Variants in CKAP5 observed in about 807,000 individuals in gnomAD.
The protein encoded by CKAP5 is cytoskeleton associated protein 5, also known as cytoskeleton-associated protein 5.
Under a neutral mutation model 232.8 loss-of-function variants are expected in CKAP5, and 27 were observed. The ratio of observed to expected loss-of-function variants is 0.12; its 90% CI spans 0.09 to 0.16. The LOEUF is 0.16. Among genes scored for constraint, CKAP5 ranks in the 10% least tolerant of loss-of-function variants. The probability of loss-of-function intolerance (pLI) is 1.00; values close to 1 mark genes in which losing one functional copy is unlikely to be tolerated. For synonymous variants in CKAP5, 785 were observed against 841.1 expected (o/e 0.93, Z 1.16); for missense variants, 1,838 against 2,424.7 (o/e 0.76, Z 5.08).
intron 1 of CKAP5, among the ~76,000 whole-genome samples, chr11:46,837,028 C>A (rs533819729): frequency 2.6e-5 from 4 of 152,210 alleles, no homozygotes; most frequent in Non-Finnish European, 5.9e-5. Context: ...AAGGTTCTGA[C>A]CTAAGTAGCT....
chr11:46,777,478 A>T lies in CKAP5; in HGVS notation c.2823T>A (p.Asn941Lys). Residue 941 changes from asparagine to lysine, a missense_variant, in exon 23 of 44, where the codon AAT becomes AAA. Physicochemically the swap from Asn to Lys is moderately conservative, Grantham distance 94. Around this residue, in one of 6 missense-constraint regions of CKAP5, gnomAD observed 767 missense variants for 954.6 expected, o/e 0.80. Transcript: ENST00000529230. ...MGPNIKQHVKNLGIPIITVLG... is the reference protein window; with the variant it reads ...MGPNIKQHVKKLGIPIITVLG... ...GGACTGTGATGATAGGGATGCCTAAATTTTTTACATGTTGCTTAATATTTG... is the reference window on the plus strand; with the variant it reads ...GGACTGTGATGATAGGGATGCCTAATTTTTTTACATGTTGCTTAATATTTG... 1 of 1,613,862 alleles carries T rather than the reference A, an allele frequency of 6.2e-7. No individual in the cohort carries two copies. Among genetic ancestry groups the T allele is most frequent in the Non-Finnish European group, 8.5e-7 (1 of 1,179,776 alleles).
At chr11:46,845,903 A>C (rs1940178051) in intron 1 of CKAP5, among the ~76,000 whole-genome samples, 1 of 151,956 alleles carries the variant, frequency 6.6e-6, no homozygotes, top group South Asian at 2.1e-4. Flanking sequence ...AGTCTTGGTA[A>C]ATCGCTGCCG....
Position 46,743,466 on chromosome 11 carries a change from A to T in CKAP5, c.*557T>A, listed in dbSNP as rs890965081. ...TAATTAACCTTTCTCTAACTGGCTG[A>T]ATACCCAGCTGGTACCAAAAGTTAA... is the stretch of plus-strand genomic sequence containing the variant. On this transcript the variant is annotated 3_prime_UTR_variant, in exon 44 of 44. Transcript: ENST00000529230. 1 of 155,322 alleles carries T rather than the reference A, an allele frequency of 6.4e-6. No individual in the cohort carries two copies. Among genetic ancestry groups the T allele is most frequent in the African/African-American group, 2.4e-5 (1 of 41,464 alleles). The allele number at this position is 155,322 out of a possible 1,614,324, so 9.6% of individuals were successfully genotyped here.
At chr11:46,780,512 C>G (rs1753889442) in intron 18 of CKAP5, 27 bp from the exon 19 acceptor site, 1 of 1,593,304 alleles carries the variant, frequency 6.3e-7, no homozygotes, top group Admixed American at 1.7e-5. Context: ...GAATTAAAAG[C>G]AAACAAATGA....
At chr11:46,759,236 C>G in intron 34 of CKAP5, 33 bp downstream of exon 34, 1 of 1,594,144 alleles carries the variant, frequency 6.3e-7, no homozygotes, top group South Asian at 1.1e-5. Context: ...TCATCATGAA[C>G]TGCTCATATT....
chr11:46,758,127 G>A (rs1197428981), intron 35 of CKAP5, among the ~76,000 whole-genome samples: 1 of 152,080 alleles, frequency 6.6e-6, no homozygotes, highest in Non-Finnish European at 1.5e-5. Flanking sequence ...TCACCCTGGT[G>A]CTTTTAAAGC....
In CKAP5 at chr11:46,809,771, T is replaced by C. The variant is rs747950071; in HGVS notation, c.734A>G (p.Gln245Arg). The C allele has an allele frequency of 2.5e-6, 4 of 1,614,138 alleles. No individual in the cohort carries two copies. In the East Asian group the frequency reaches 8.9e-5, roughly 36 times the overall value. The change falls in exon 6 of 44, where the codon CAA becomes CGA. Residue 245 changes from glutamine (Q) to arginine (R), a missense_variant. By Grantham distance (43) the Gln-to-Arg change is conservative (BLOSUM62 1). Coordinates refer to ENST00000529230, the MANE Select transcript of CKAP5 (RefSeq NM_001008938.4). ...TTCAGCATCTCCACCAGCAGACTGT[T>C]GTTGTTCCAATTTAGCTTCTAGTTC... ...QQELEAKLEQ[Q>R]QSAGGDAEGG...
chr11:46,786,702 GA>G (rs1305651863), intron 16 of CKAP5, among the ~76,000 whole-genome samples: 2 of 152,118 alleles, frequency 1.3e-5, no homozygotes, highest in Non-Finnish European at 2.9e-5. Context: ...GTATGCCCAG[GA>G]AAGACTGAAA....
chr11:46,790,872 A>C (rs1430802219), intron 13 of CKAP5, among the ~76,000 whole-genome samples: 1 of 152,100 alleles, frequency 6.6e-6, no homozygotes, highest in East Asian at 1.9e-4. Flanking sequence ...GCTGGTCTCG[A>C]ATTCCTGGCT....
Position 46,809,349 on chromosome 11 carries a change from C to T in CKAP5, c.864+51G>A, listed in dbSNP as rs1271047349. The T allele has an allele frequency of 8.3e-6, 10 of 1,210,970 alleles. No individual in the cohort carries two copies. The Middle Eastern group carries it at 1.2e-3, about 149-fold the overall frequency. 75.0% of individuals were successfully genotyped at this position (1,210,970 alleles called of 1,614,324 possible). A position where few individuals can be genotyped will look rare whatever the true frequency, so the allele number is the denominator to read the frequency against. On this transcript the variant is annotated intron_variant, in intron 7 of 43. Coordinates refer to ENST00000529230, the MANE Select transcript of CKAP5 (RefSeq NM_001008938.4). ...CTCAGCAGAGTATTCTAATTCTATT[C>T]AAGTAATTATTTTACAAGAAATAAA...
chr11:46,796,290 C>A (rs953412118), intron 12 of CKAP5, among the ~76,000 whole-genome samples: 2 of 151,256 alleles, frequency 1.3e-5, no homozygotes, highest in Admixed American at 6.6e-5. Flanking sequence ...CATTTTATTT[C>A]TTTACAAATT....
intron 3 of CKAP5, 98 bp downstream of exon 3, chr11:46,818,212 C>A: frequency 1.1e-6 from 1 of 921,898 alleles, no homozygotes; most frequent in Non-Finnish European, 1.6e-6. Flanking sequence ...TTCATCTATT[C>A]TAAAACTGCT....
Position 46,829,834 on chromosome 11 carries a change from TTGTATG to T in CKAP5, c.-37-8572_-37-8567del, listed in dbSNP as rs372802434. ...CAGTATATGAAGTCTAATTCCTTTT[TTGTATG>T]TGTGTGTGTGTGTGTGTGTGTGTGT... is the stretch of plus-strand genomic sequence containing the variant. On this transcript the variant is annotated intron_variant, in intron 1 of 43. Coordinates refer to ENST00000529230, the MANE Select transcript of CKAP5 (RefSeq NM_001008938.4). Among the ~76,000 whole-genome samples the T allele has an allele frequency of 3.6e-3, 395 of 110,720 alleles. 2 individuals are homozygous for T. Among genetic ancestry groups the T allele is most frequent in the Admixed American group, 0.012 (123 of 9,914 alleles). 72.6% of individuals were successfully genotyped at this position (110,720 alleles called of 152,430 possible).
At chr11:46,836,713 G>A (rs929147757) in intron 1 of CKAP5, among the ~76,000 whole-genome samples, 40 of 152,182 alleles carry the variant, frequency 2.6e-4, no homozygotes, top group African/African-American at 9.4e-4. Context: ...AATAGAGTTT[G>A]GCAGTTTCTT....
intron 42 of CKAP5, among the ~76,000 whole-genome samples, chr11:46,747,634 G>T (rs985110218): frequency 4.6e-5 from 7 of 151,780 alleles, no homozygotes; most frequent in Non-Finnish European, 8.8e-5. Flanking sequence ...CACTAAGATG[G>T]TGGTATTTGA....
chr11:46,758,386 G>A (rs900054735), intron 35 of CKAP5, among the ~76,000 whole-genome samples: 2 of 152,054 alleles, frequency 1.3e-5, no homozygotes, highest in African/African-American at 2.4e-5. Context: ...CCCCATTTAA[G>A]TTATATTTAC....
At chr11:46,746,329 G>A (rs944937390) in intron 42 of CKAP5, among the ~76,000 whole-genome samples, 7 of 152,080 alleles carry the variant, frequency 4.6e-5, no homozygotes, top group African/African-American at 1.2e-4. Flanking sequence ...AGTAATTCTC[G>A]AATAGGGACT....
intron 26 of CKAP5, 76 bp from the exon 27 acceptor site, chr11:46,767,739 T>A (rs2065214660): frequency 1.1e-6 from 1 of 881,010 alleles, no homozygotes; most frequent in African/African-American, 1.7e-5. Context: ...AAATATATAA[T>A]GATGACAAGG....
At position 46,757,056 on chromosome 11, in the gene CKAP5, C is replaced by T. The variant is rs192723386; in HGVS notation, c.4689+1867G>A. Among the ~76,000 whole-genome samples, 425 of 151,680 alleles carry T rather than the reference C, an allele frequency of 2.8e-3. 4 individuals are homozygous for T. Among genetic ancestry groups the T allele is most frequent in the African/African-American group, 9.8e-3 (405 of 41,390 alleles). ...CTGGGATTATAGGCATGAGCCACAG[C>T]GCCCAGCTTTGACCTTGAATCTTTA... On this transcript the variant is annotated intron_variant, in intron 35 of 43. Transcript: ENST00000529230.
Sources: gnomAD v4.1 joint callset for allele counts (sites outside exome capture counted in the v4.1 genomes callset) on GRCh38, gnomAD v4.1.1 for gene constraint, gnomAD v4.1.1 regional missense constraint, MANE v1.5 for transcripts, NCBI Gene and HGNC (gene_info 2026-07-23, HGNC 2026-07-21) for gene names.